The following MAP7 variants were observed in gnomAD, a reference collection of about 807,000 sequenced individuals.
The protein encoded by MAP7 is microtubule associated protein 7.
MAP7 carries 52 observed loss-of-function variants against 94.8 expected under a neutral mutation model. The ratio of observed to expected loss-of-function variants is 0.55; its 90% CI spans 0.44 to 0.69. MAP7 has a LOEUF of 0.69. Ranked by LOEUF, MAP7 falls within the 30% of genes least tolerant of loss-of-function variation. The probability of loss-of-function intolerance (pLI) is 0.00; values close to 1 mark genes in which losing one functional copy is unlikely to be tolerated. For synonymous variants in MAP7, 350 were observed against 357.0 expected (o/e 0.98, Z 0.22); for missense variants, 940 against 964.6 (o/e 0.97, Z 0.34).
At chr6:136,419,930 T>C (rs909210373) in intron 2 of MAP7, 3 of 607,972 alleles carry the variant, frequency 4.9e-6, no homozygotes, top group Non-Finnish European at 9.3e-6. Flanking sequence ...TATTTTTCTA[T>C]TTCTTCCTCT....
At chr6:136,516,590 GAC>G (rs1824916705) in intron 1 of MAP7, among the ~76,000 whole-genome samples, 2 of 152,092 alleles carry the variant, frequency 1.3e-5, no homozygotes, top group South Asian at 4.1e-4. Flanking sequence ...ACTTCACCAG[GAC>G]ACAGATCCGC....
chr6:136,535,790 A>C (rs964918351), intron 1 of MAP7, among the ~76,000 whole-genome samples: 1 of 149,528 alleles, frequency 6.7e-6, no homozygotes, highest in Non-Finnish European at 1.5e-5. Flanking sequence ...GTACATGTGC[A>C]CAATGTGCAG....
At chr6:136,477,153 C>A (rs1048564305) in intron 1 of MAP7, among the ~76,000 whole-genome samples, 6 of 152,134 alleles carry the variant, frequency 3.9e-5, no homozygotes. Context: ...ACCTCAAACA[C>A]GTGATGGAGG....
intron 16 of MAP7, among the ~76,000 whole-genome samples, chr6:136,352,954 T>C (rs941052946): frequency 2.0e-5 from 3 of 152,220 alleles, no homozygotes; most frequent in Non-Finnish European, 4.4e-5. Context: ...TCTGGATGAA[T>C]TCAAGGATGA....
rs143130514 is a variant in MAP7 at position 136,365,955 on chromosome 6, G to A, written c.1053C>T (p.Pro351=). Reference sequence around the variant, plus strand: ...GAGCAGGAGCAGCTTTGACTGAGCCGGGTGGCAAGGAGGATGTCGGTCTGG... The same window carrying A: ...GAGCAGGAGCAGCTTTGACTGAGCCAGGTGGCAAGGAGGATGTCGGTCTGG... The part of the protein sequence containing the change: ...GTPRPTSSLP[P]GSVKAAPAQV... The change falls in exon 10 of 18, where the codon CCC becomes CCT. Residue 351 remains proline, a synonymous_variant. Transcript: ENST00000354570. 8.7e-5 allele frequency: 140 copies of A among 1,613,838 alleles called. No individual in the cohort carries two copies. The African/African-American group carries it at 1.4e-3, about 16-fold the overall frequency.
chr6:136,408,344 G>C (rs932298604), intron 3 of MAP7, among the ~76,000 whole-genome samples: 3 of 152,110 alleles, frequency 2.0e-5, no homozygotes, highest in Admixed American at 2.0e-4. Context: ...GAAAAAGCAG[G>C]CCACATGACA....
At chr6:136,504,449 G>C (rs1820771627) in intron 1 of MAP7, among the ~76,000 whole-genome samples, 1 of 151,594 alleles carries the variant, frequency 6.6e-6, no homozygotes, top group South Asian at 2.1e-4. Flanking sequence ...CCTGGGTTCT[G>C]GCAATTCTCT....
chr6:136,347,214 C>T (rs918389445), intron 16 of MAP7, among the ~76,000 whole-genome samples: 2 of 152,176 alleles, frequency 1.3e-5, no homozygotes, highest in Non-Finnish European at 2.9e-5. Flanking sequence ...GCAGCATATA[C>T]ATATGTGTGC....
At chr6:136,500,411 A>G (rs1480403862) in intron 1 of MAP7, among the ~76,000 whole-genome samples, 1 of 152,174 alleles carries the variant, frequency 6.6e-6, no homozygotes, top group Non-Finnish European at 1.5e-5. Context: ...CTTGTTTTTT[A>G]ATTAATCTCT....
intron 1 of MAP7, among the ~76,000 whole-genome samples, chr6:136,495,413 T>C (rs1299149938): frequency 6.6e-6 from 1 of 151,634 alleles, no homozygotes; most frequent in Non-Finnish European, 1.5e-5. Flanking sequence ...TGGGTTTAAA[T>C]ACATAGGTTT....
chr6:136,499,652 A>G (rs1425662430), intron 1 of MAP7, among the ~76,000 whole-genome samples: 1 of 152,118 alleles, frequency 6.6e-6, no homozygotes, highest in Non-Finnish European at 1.5e-5. Flanking sequence ...GGCCACAAGT[A>G]TGTTGTACAT....
In MAP7 at chr6:136,375,473, CCTTCTTGCCAATGG is replaced by C. The variant is rs1257784283; in HGVS notation, c.751+2268_751+2281del. 2.0e-5 allele frequency among the ~76,000 whole-genome samples: 3 copies of C among 152,140 alleles called. No homozygotes were observed. In the East Asian group the frequency reaches 5.8e-4, roughly 29 times the overall value. On this transcript the variant is annotated intron_variant, in intron 7 of 17. Coordinates refer to ENST00000354570, the MANE Select transcript of MAP7 (RefSeq NM_003980.6). ...CCAGTACAGGACATATTATAGGTTA[CCTTCTTGCCAATGG>C]CAATTAGGAATATGATGAGGTTGAG...
Position 136,345,843 on chromosome 6 carries a change from G to A in MAP7, c.2239+13C>T, listed in dbSNP as rs754338339. ...TTCTGATGACTACAGAAGGGAGTTG[G>A]AGGCAAGCTTACCTGCAGTCTGCTG... is the stretch of plus-strand genomic sequence containing the variant. On this transcript the variant is annotated intron_variant, in intron 17 of 17. Coordinates refer to ENST00000354570, the MANE Select transcript of MAP7 (RefSeq NM_003980.6). 1.1e-5 allele frequency: 18 copies of A among 1,606,950 alleles called. No individual in the cohort carries two copies. Among genetic ancestry groups the A allele is most frequent in the Non-Finnish European group, 1.5e-5 (18 of 1,173,460 alleles).
chr6:136,458,005 A>G (rs574297142), intron 1 of MAP7, among the ~76,000 whole-genome samples: 8 of 152,204 alleles, frequency 5.3e-5, no homozygotes, highest in Admixed American at 1.3e-4. Flanking sequence ...GTGTTTGTAG[A>G]TGACATGATC....
intron 1 of MAP7, among the ~76,000 whole-genome samples, chr6:136,547,246 T>A (rs1829805705): frequency 6.6e-6 from 1 of 152,228 alleles, no homozygotes; most frequent in Non-Finnish European, 1.5e-5. Context: ...AGATTCTAAG[T>A]CATGACCCAC....
chr6:136,414,601 C>G (rs1293073647), intron 2 of MAP7, among the ~76,000 whole-genome samples: 1 of 151,986 alleles, frequency 6.6e-6, no homozygotes, highest in Non-Finnish European at 1.5e-5. Context: ...AATTACTTAT[C>G]ACTTTAATAC....
intron 3 of MAP7, among the ~76,000 whole-genome samples, chr6:136,404,796 T>C (rs1455564104): frequency 1.3e-5 from 2 of 152,256 alleles, no homozygotes; most frequent in Non-Finnish European, 2.9e-5. Flanking sequence ...AGGGAAGCTC[T>C]GTGTCTGCTC....
In MAP7 at chr6:136,379,219, T is replaced by TTG. The variant is rs1370063589; in HGVS notation, c.638-1352_638-1351insCA. 4.4e-3 allele frequency among the ~76,000 whole-genome samples: 668 copies of TTG among 152,330 alleles called. 6 individuals are homozygous for TTG. The highest frequency in any genetic ancestry group is 0.015 in the African/African-American group (637 of 41,576). On this transcript the variant is annotated intron_variant, in intron 6 of 17. Coordinates refer to ENST00000354570, the MANE Select transcript of MAP7 (RefSeq NM_003980.6). ...ATAAAAGCCATATACTGCTAAACAT[T>TTG]GTCTTAAAAATAGTTGCTTCCATTT...
At chr6:136,440,769 G>A (rs1050285914) in intron 1 of MAP7, among the ~76,000 whole-genome samples, 4 of 151,246 alleles carry the variant, frequency 2.6e-5, no homozygotes, top group South Asian at 4.2e-4. Flanking sequence ...CTCAAATGCC[G>A]GAGAGCCCAG....
Sources: allele counts gnomAD v4.1 joint callset (sites outside exome capture counted in the v4.1 genomes callset), GRCh38; gene constraint gnomAD v4.1.1; transcripts MANE v1.5; gene names NCBI Gene and HGNC (gene_info 2026-07-23, HGNC 2026-07-21).